The following PDSS2 variants were observed in gnomAD, a reference collection of about 807,000 sequenced individuals.
PDSS2 encodes all trans-polyprenyl-diphosphate synthase PDSS2.
A neutral mutation model predicts 44.5 loss-of-function variants in PDSS2; 31 were observed. The observed-to-expected ratio is 0.70, with a 90% CI of 0.52 to 0.94. The LOEUF is 0.94. Ranked by LOEUF, PDSS2 falls within the 40% of genes least tolerant of loss-of-function variation. The pLI is 0.00. For synonymous variants in PDSS2, 157 were observed against 180.3 expected (o/e 0.87, Z 1.03); for missense variants, 452 against 482.2 (o/e 0.94, Z 0.59).
At position 107,280,458 on chromosome 6, in the gene PDSS2, A is replaced by T. The variant is rs144138139; in HGVS notation, c.432-6231T>A. Among the ~76,000 whole-genome samples, 394 of 152,350 alleles carry T rather than the reference A, an allele frequency of 2.6e-3. 3 individuals carry two copies. Among genetic ancestry groups the T allele is most frequent in the African/African-American group, 9.1e-3 (380 of 41,580 alleles). ...GTAATTACCATATTGAAAGATTAAT[A>T]AATGTTTTTACAAGATTTTTCACCA... is the stretch of plus-strand genomic sequence containing the variant. On this transcript the variant is annotated intron_variant, in intron 2 of 7. Coordinates refer to ENST00000369037, the MANE Select transcript of PDSS2 (RefSeq NM_020381.4).
chr6:107,225,157 A>ATT lies in PDSS2; in HGVS notation c.703-12876_703-12875insAA, dbSNP rs1562389324. On this transcript the variant is annotated intron_variant, in intron 4 of 7. Transcript: ENST00000369037. ...TATTTTTATATATATATATATATATATATATTTTTTTTTTTTTTTTTTTTT... is the reference window on the plus strand; with the variant it reads ...TATTTTTATATATATATATATATATATTTATATTTTTTTTTTTTTTTTTTTTT... 3.3e-3 allele frequency among the ~76,000 whole-genome samples: 100 copies of ATT among 30,520 alleles called. 6 individuals carry two copies. The highest frequency in any genetic ancestry group is 0.026 in the African/African-American group (94 of 3,656). The allele number at this position is 30,520 out of a possible 152,430, so 20.0% of individuals were successfully genotyped here.
chr6:107,220,259 A>G (rs1773557131), intron 4 of PDSS2, among the ~76,000 whole-genome samples: 2 of 152,196 alleles, frequency 1.3e-5, no homozygotes. Context: ...AGAAAGAAAA[A>G]AGCTAATGAG....
intron 1 of PDSS2, among the ~76,000 whole-genome samples, chr6:107,423,426 T>G (rs1303172999): frequency 6.6e-6 from 1 of 152,218 alleles, no homozygotes; most frequent in Non-Finnish European, 1.5e-5. Context: ...TGGTAACTTG[T>G]ATCAATATCA....
intron 4 of PDSS2, among the ~76,000 whole-genome samples, chr6:107,224,732 G>A (rs371884111): frequency 2.6e-5 from 4 of 151,336 alleles, no homozygotes; most frequent in Non-Finnish European, 2.9e-5. Context: ...TACACTATAC[G>A]AAATCTAGAT....
At chr6:107,256,189 C>G (rs1478428349) in intron 3 of PDSS2, among the ~76,000 whole-genome samples, 1 of 152,102 alleles carries the variant, frequency 6.6e-6, no homozygotes, top group Non-Finnish European at 1.5e-5. Flanking sequence ...CAGGTTTTCA[C>G]CGTGTTGCCC....
Position 107,258,527 on chromosome 6 carries a change from C to T in PDSS2, c.631-12908G>A, listed in dbSNP as rs111251106. On this transcript the variant is annotated intron_variant, in intron 3 of 7. Transcript: ENST00000369037. ...TGCTAATTTAAAATGTTTCACCGGG[C>T]ACAGTGGCTCACGCCTGTAATCCCA... Among the ~76,000 whole-genome samples the T allele has an allele frequency of 6.6e-3, 999 of 151,942 alleles. 17 individuals are homozygous for T. Among genetic ancestry groups the T allele is most frequent in the African/African-American group, 0.023 (965 of 41,436 alleles).
chr6:107,247,902 C>A (rs1477079558), intron 3 of PDSS2, among the ~76,000 whole-genome samples: 1 of 150,440 alleles, frequency 6.6e-6, no homozygotes, highest in African/African-American at 2.5e-5. Flanking sequence ...GCCTGTAATC[C>A]CAATTACTCC....
intron 1 of PDSS2, among the ~76,000 whole-genome samples, chr6:107,429,613 G>A (rs771779023): frequency 7.2e-5 from 11 of 151,814 alleles, no homozygotes; most frequent in Admixed American, 3.3e-4. Context: ...GGGTGGGCGC[G>A]GTGGCTCACA....
intron 1 of PDSS2, among the ~76,000 whole-genome samples, chr6:107,351,060 A>G (rs1176873234): frequency 6.6e-6 from 1 of 151,982 alleles, no homozygotes; most frequent in Non-Finnish European, 1.5e-5. Flanking sequence ...TGTTTCCACC[A>G]CATTAAAAGT....
chr6:107,269,340 CTG>C (rs58803876), intron 3 of PDSS2, among the ~76,000 whole-genome samples: 24,586 of 143,068 alleles, frequency 0.17, 2,215 homozygotes, highest in Admixed American at 0.24. Flanking sequence ...TTTCGTGTGT[CTG>C]TGTGTGTGTG....
intron 2 of PDSS2, among the ~76,000 whole-genome samples, chr6:107,310,241 C>T (rs1488334814): frequency 4.2e-5 from 6 of 142,024 alleles, no homozygotes; most frequent in Admixed American, 7.6e-5. Context: ...GCAGAGATCA[C>T]GCTACTGCAC....
chr6:107,283,446 C>A (rs1334499382), intron 2 of PDSS2, among the ~76,000 whole-genome samples: 1 of 152,052 alleles, frequency 6.6e-6, no homozygotes, highest in Non-Finnish European at 1.5e-5. Context: ...ATTGTCTGGG[C>A]GCGGTGGCTC....
chr6:107,176,724 T>C (rs546771398), intron 7 of PDSS2, among the ~76,000 whole-genome samples: 2 of 152,320 alleles, frequency 1.3e-5, no homozygotes, highest in East Asian at 1.9e-4. Flanking sequence ...ACTGAACAGA[T>C]ATAACCATAC....
chr6:107,399,620 T>C (rs1218224017), intron 1 of PDSS2, among the ~76,000 whole-genome samples: 1 of 152,214 alleles, frequency 6.6e-6, no homozygotes. Context: ...TAATGTGCTA[T>C]TCATTTTTAA....
chr6:107,431,094 T>A (rs907918726), intron 1 of PDSS2, among the ~76,000 whole-genome samples: 7 of 152,178 alleles, frequency 4.6e-5, no homozygotes, highest in African/African-American at 1.7e-4. Flanking sequence ...TTATTCCCCT[T>A]TTCACCAATG....
At chr6:107,361,418 G>A (rs1319142907) in intron 1 of PDSS2, among the ~76,000 whole-genome samples, 1 of 152,188 alleles carries the variant, frequency 6.6e-6, no homozygotes, top group African/African-American at 2.4e-5. Context: ...CAGAGGAAGA[G>A]AGCTCTGAAA....
At position 107,186,372 on chromosome 6, in the gene PDSS2, G is replaced by C. The variant is rs1772164425; in HGVS notation, c.1041+7450C>G. On this transcript the variant is annotated intron_variant, in intron 7 of 7. Coordinates refer to ENST00000369037, the MANE Select transcript of PDSS2 (RefSeq NM_020381.4). ...GTCCAGTTGAGAATGATTTTAAAAT[G>C]ATCACCTCTTCCACACTCTCCCCTA... Among the ~76,000 whole-genome samples the C allele has an allele frequency of 2.0e-5, 3 of 152,102 alleles. No individual in the cohort carries two copies. The South Asian group carries it at 6.2e-4, about 32-fold the overall frequency.
intron 1 of PDSS2, among the ~76,000 whole-genome samples, chr6:107,387,626 TA>T (rs1477810355): frequency 2.0e-5 from 3 of 152,176 alleles, no homozygotes; most frequent in Non-Finnish European, 2.9e-5. Context: ...ACATGAACAT[TA>T]AAATAATACT....
At chr6:107,396,686 T>TTC (rs1779958246) in intron 1 of PDSS2, among the ~76,000 whole-genome samples, 1 of 142,090 alleles carries the variant, frequency 7.0e-6, no homozygotes, top group African/African-American at 2.6e-5. Context: ...TTCTTTTTTT[T>TTC]TTTTTTTTTT....
Sources: allele counts gnomAD v4.1 joint callset (sites outside exome capture counted in the v4.1 genomes callset), GRCh38; gene constraint gnomAD v4.1.1; transcripts MANE v1.5; gene names NCBI Gene and HGNC (gene_info 2026-07-23, HGNC 2026-07-21).